The following RASAL2 variants were observed in gnomAD, a reference collection of about 807,000 sequenced individuals.
The protein encoded by RASAL2 is ras GTPase-activating protein nGAP.
In RASAL2, 58 loss-of-function variants were observed where a neutral mutation model predicts 128.9. That is an observed-to-expected ratio of 0.45 (90% CI 0.36 to 0.56). The LOEUF is 0.56. Ranked by LOEUF, RASAL2 falls within the 20% of genes least tolerant of loss-of-function variation. RASAL2 has a pLI of 0.00. For missense variants in RASAL2, 1,360 were observed against 1,601.6 expected, an observed-to-expected ratio of 0.85 and a Z score of 2.57; for synonymous variants, 561 against 580.8, an observed-to-expected ratio of 0.97 and a Z score of 0.49.
At chr1:178,253,039 A>G (rs1665128329) in intron 1 of RASAL2, among the ~76,000 whole-genome samples, 1 of 152,282 alleles carries the variant, frequency 6.6e-6, no homozygotes, top group Non-Finnish European at 1.5e-5. Flanking sequence ...CTCTCAGTTC[A>G]GGAGGCTAGA....
chr1:178,212,827 C>T lies in RASAL2; in HGVS notation c.203-70737C>T, dbSNP rs544733431. 4.6e-5 allele frequency among the ~76,000 whole-genome samples: 7 copies of T among 152,270 alleles called. No individual in the cohort carries two copies. In the East Asian group the frequency reaches 1.4e-3, roughly 29 times the overall value. ...CTATCTAACTCTTTAAATATCATAA[C>T]ATTGAAGGTATTTGAGTCTCATTGG... On this transcript the variant is annotated intron_variant, in intron 1 of 17. Coordinates refer to ENST00000367649, the MANE Select transcript of RASAL2 (RefSeq NM_170692.4).
intron 3 of RASAL2, among the ~76,000 whole-genome samples, chr1:178,320,343 CTT>C (rs1226862343): frequency 6.6e-6 from 1 of 152,234 alleles, no homozygotes; most frequent in Admixed American, 6.5e-5. Context: ...TTCCCGGCTG[CTT>C]TGTTTGCCTA....
In RASAL2 at chr1:178,404,933, C is replaced by T. The variant is rs555767518; in HGVS notation, c.564+14727C>T. ...CTAGGATCAATCAATCCTCCTGCCT[C>T]GGCCTCTCGAAGCGCTGGGATTACA... On this transcript the variant is annotated intron_variant, in intron 4 of 17. Coordinates refer to ENST00000367649, the MANE Select transcript of RASAL2 (RefSeq NM_170692.4). Among the ~76,000 whole-genome samples, 186 of 152,238 alleles carry T rather than the reference C, an allele frequency of 1.2e-3. 4 individuals are homozygous for T. The South Asian group carries it at 0.036, about 30-fold the overall frequency.
intron 3 of RASAL2, among the ~76,000 whole-genome samples, chr1:178,382,623 G>A (rs1207408266): frequency 6.6e-6 from 1 of 152,074 alleles, no homozygotes; most frequent in Admixed American, 6.5e-5. Context: ...ATACATGGGT[G>A]ATAGTTCCAC....
intron 9 of RASAL2, among the ~76,000 whole-genome samples, chr1:178,448,987 A>G (rs1018514831): frequency 1.3e-5 from 2 of 152,200 alleles, no homozygotes; most frequent in African/African-American, 4.8e-5. Flanking sequence ...TGCTGCTTCT[A>G]AGAGCATAAG....
chr1:178,341,973 T>C (rs1015297299), intron 3 of RASAL2, among the ~76,000 whole-genome samples: 2 of 152,218 alleles, frequency 1.3e-5, no homozygotes, highest in Admixed American at 6.5e-5. Flanking sequence ...TGGGAACAGG[T>C]AAAGCTCATT....
At chr1:178,162,481 TTA>T (rs1661356942) in intron 1 of RASAL2, among the ~76,000 whole-genome samples, 1 of 125,544 alleles carries the variant, frequency 8.0e-6, no homozygotes, top group African/African-American at 3.1e-5. Context: ...TATTTATATT[TTA>T]TATAATATAT....
chr1:178,403,326 AT>A (rs753548197), intron 4 of RASAL2, among the ~76,000 whole-genome samples: 16 of 152,188 alleles, frequency 1.1e-4, no homozygotes, highest in Non-Finnish European at 2.4e-4. Context: ...ATTCACATTA[AT>A]CATTATCAGC....
intron 3 of RASAL2, among the ~76,000 whole-genome samples, chr1:178,360,516 A>G (rs1233621729): frequency 6.6e-6 from 1 of 152,198 alleles, no homozygotes; most frequent in Non-Finnish European, 1.5e-5. Context: ...TCCACGATAT[A>G]GACCTGGTTC....
intron 3 of RASAL2, among the ~76,000 whole-genome samples, chr1:178,349,882 A>G (rs183254724): frequency 1.3e-5 from 2 of 152,346 alleles, no homozygotes; most frequent in African/African-American, 2.4e-5. Context: ...AAAATATCCA[A>G]TACAACAAAT....
At chr1:178,131,619 C>A (rs1371269975) in intron 1 of RASAL2, among the ~76,000 whole-genome samples, 1 of 151,916 alleles carries the variant, frequency 6.6e-6, no homozygotes, top group Non-Finnish European at 1.5e-5. Context: ...GGTGGTTTTT[C>A]CAAAAACCTG....
intron 1 of RASAL2, among the ~76,000 whole-genome samples, chr1:178,219,965 C>T (rs1663560606): frequency 6.6e-6 from 1 of 152,066 alleles, no homozygotes; most frequent in Non-Finnish European, 1.5e-5. Flanking sequence ...GTACCCTCCT[C>T]TCAGTAATGA....
intron 1 of RASAL2, among the ~76,000 whole-genome samples, chr1:178,119,513 G>C (rs1659637305): frequency 6.6e-6 from 1 of 152,156 alleles, no homozygotes; most frequent in Non-Finnish European, 1.5e-5. Flanking sequence ...ATTCAAAAAT[G>C]ACCTCTTTGA....
intron 3 of RASAL2, among the ~76,000 whole-genome samples, chr1:178,378,043 G>GA (rs1011522666): frequency 6.7e-6 from 1 of 150,044 alleles, no homozygotes; most frequent in Non-Finnish European, 1.5e-5. Context: ...AAAAAATGGG[G>GA]AAAAAAATAG....
At chr1:178,320,565 TC>T (rs1229637026) in intron 3 of RASAL2, among the ~76,000 whole-genome samples, 1 of 152,196 alleles carries the variant, frequency 6.6e-6, no homozygotes, top group African/African-American at 2.4e-5. Flanking sequence ...TCCAGGTGCG[TC>T]CGTCACCCCT....
intron 1 of RASAL2, among the ~76,000 whole-genome samples, chr1:178,097,472 G>T (rs958587822): frequency 9.2e-5 from 14 of 152,160 alleles, no homozygotes; most frequent in Non-Finnish European, 1.5e-4. Flanking sequence ...CAAAAGGTCA[G>T]TGAACTGAGT....
chr1:178,193,551 TA>T (rs1017631182), intron 1 of RASAL2, among the ~76,000 whole-genome samples: 12 of 151,994 alleles, frequency 7.9e-5, no homozygotes, highest in South Asian at 2.1e-4. Context: ...AAACTTTCTT[TA>T]AAAAAAAGTT....
intron 5 of RASAL2, among the ~76,000 whole-genome samples, chr1:178,424,542 G>A (rs1416346984): frequency 6.6e-6 from 1 of 152,050 alleles, no homozygotes; most frequent in Non-Finnish European, 1.5e-5. Context: ...GTTCACTGCA[G>A]CCTTGACTTC....
At chr1:178,114,682 C>T (rs953299270) in intron 1 of RASAL2, among the ~76,000 whole-genome samples, 11 of 152,028 alleles carry the variant, frequency 7.2e-5, no homozygotes, top group Non-Finnish European at 1.5e-4. Flanking sequence ...CCACCACGCC[C>T]GGCTAATTTT....
Sources: allele counts gnomAD v4.1 joint callset (sites outside exome capture counted in the v4.1 genomes callset), GRCh38; gene constraint gnomAD v4.1.1; transcripts MANE v1.5; gene names NCBI Gene and HGNC (gene_info 2026-07-23, HGNC 2026-07-21).